PTPRD: variants seen among roughly 807,000 people sequenced by gnomAD.
The protein encoded by PTPRD is protein tyrosine phosphatase receptor type D.
A neutral mutation model predicts 214.5 loss-of-function variants in PTPRD; 34 were observed. That is an observed-to-expected ratio of 0.16 (90% CI 0.12 to 0.21). The LOEUF (loss-of-function observed/expected upper bound fraction) is 0.21. PTPRD is among the 10% of genes least tolerant of loss of function. PTPRD has a pLI of 1.00. For synonymous variants in PTPRD, 1,128 were observed against 845.7 expected (o/e 1.33, Z -5.79); for missense variants, 2,545 against 2,398.7 (o/e 1.06, Z -1.27).
chr9:8,898,807 A>G (rs941703520), intron 11 of PTPRD, among the ~76,000 whole-genome samples: 3 of 152,194 alleles, frequency 2.0e-5, no homozygotes, highest in Admixed American at 6.5e-5. Flanking sequence ...CAGAGAAGTC[A>G]TCTGTGAAAG....
At chr9:9,188,488 G>A (rs1208463472) in intron 9 of PTPRD, among the ~76,000 whole-genome samples, 1 of 152,056 alleles carries the variant, frequency 6.6e-6, no homozygotes, top group Non-Finnish European at 1.5e-5. Flanking sequence ...CAATATATGA[G>A]TGTTTCTGTT....
chr9:9,294,505 T>A (rs1952323907), intron 9 of PTPRD, among the ~76,000 whole-genome samples: 1 of 151,604 alleles, frequency 6.6e-6, no homozygotes, highest in East Asian at 2.0e-4. Flanking sequence ...GCTAAGAAAA[T>A]AAAGTAATTA....
chr9:9,203,717 T>C (rs1020761141), intron 9 of PTPRD, among the ~76,000 whole-genome samples: 1 of 152,196 alleles, frequency 6.6e-6, no homozygotes, highest in Non-Finnish European at 1.5e-5. Flanking sequence ...TTGATTTTCT[T>C]CTTTATGTGT....
Position 9,467,591 on chromosome 9 carries a change from A to AAAAAAAAAAAAAAAAC in PTPRD, c.-236-70110_-236-70109insGTTTTTTTTTTTTTTT. On this transcript the variant is annotated intron_variant, in intron 8 of 45. Transcript: ENST00000381196. ...GACAGAGCGGGACTCCATCTCCCAA[A>AAAAAAAAAAAAAAAAC]AAAAAAAAAAAAAAAAAAAGTTGAG... is the stretch of plus-strand genomic sequence containing the variant. Among the ~76,000 whole-genome samples the AAAAAAAAAAAAAAAAC allele has an allele frequency of 1.5e-5, 2 of 135,104 alleles. 1 individual carries two copies. Among genetic ancestry groups the AAAAAAAAAAAAAAAAC allele is most frequent in the Non-Finnish European group, 3.4e-5 (2 of 58,744 alleles). 88.6% of individuals were successfully genotyped at this position (135,104 alleles called of 152,430 possible).
At chr9:8,775,730 T>C (rs1294472033) in intron 11 of PTPRD, among the ~76,000 whole-genome samples, 1 of 152,008 alleles carries the variant, frequency 6.6e-6, no homozygotes, top group Non-Finnish European at 1.5e-5. Context: ...ACACCTGTAA[T>C]CCCAGCACTT....
intron 3 of PTPRD, among the ~76,000 whole-genome samples, chr9:10,086,629 G>T (rs2098342678): frequency 6.6e-6 from 1 of 151,782 alleles, no homozygotes; most frequent in South Asian, 2.1e-4. Context: ...TTAAGGTTAA[G>T]TTCAAGTGTG....
intron 3 of PTPRD, among the ~76,000 whole-genome samples, chr9:10,054,994 A>AAAGAAAG (rs1567356738): frequency 9.6e-5 from 14 of 145,944 alleles, no homozygotes; most frequent in South Asian, 4.3e-4. Flanking sequence ...AAGAAAGAAA[A>AAAGAAAG]AAAGAAAGAA....
chr9:8,764,722 G>C (rs183432257), intron 11 of PTPRD, among the ~76,000 whole-genome samples: 2 of 151,928 alleles, frequency 1.3e-5, no homozygotes, highest in African/African-American at 2.4e-5. Flanking sequence ...TTGAACCCGG[G>C]AGCTGGAGGT....
intron 3 of PTPRD, among the ~76,000 whole-genome samples, chr9:10,211,041 G>A: frequency 6.6e-6 from 1 of 151,454 alleles, no homozygotes; most frequent in Non-Finnish European, 1.5e-5. Flanking sequence ...CACAGTATAT[G>A]ATTTTTAAAT....
intron 9 of PTPRD, among the ~76,000 whole-genome samples, chr9:9,273,902 A>G (rs1943946167): frequency 6.6e-6 from 1 of 151,348 alleles, no homozygotes; most frequent in African/African-American, 2.4e-5. Flanking sequence ...AGGTTTGTCA[A>G]TATCTATAAA....
chr9:8,824,663 C>T (rs560638968), intron 11 of PTPRD, among the ~76,000 whole-genome samples: 3 of 152,218 alleles, frequency 2.0e-5, no homozygotes, highest in South Asian at 2.1e-4. Context: ...TGGAACTAAG[C>T]TGATACCGGG....
At chr9:9,259,908 G>A (rs2099979357) in intron 9 of PTPRD, among the ~76,000 whole-genome samples, 1 of 151,814 alleles carries the variant, frequency 6.6e-6, no homozygotes, top group South Asian at 2.1e-4. Flanking sequence ...ATGCGAGGAG[G>A]GTTTAAGGAA....
At chr9:10,158,812 C>A (rs2099109775) in intron 3 of PTPRD, among the ~76,000 whole-genome samples, 1 of 152,244 alleles carries the variant, frequency 6.6e-6, no homozygotes, top group African/African-American at 2.4e-5. Context: ...GGTCCACTGG[C>A]AGGATATTTG....
chr9:10,601,435 T>C (rs2077946283), intron 2 of PTPRD, among the ~76,000 whole-genome samples: 2 of 151,806 alleles, frequency 1.3e-5, no homozygotes. Flanking sequence ...TATACTGTCT[T>C]ACAGTTGCAA....
intron 11 of PTPRD, among the ~76,000 whole-genome samples, chr9:8,795,368 C>T (rs552109535): frequency 2.6e-5 from 4 of 152,142 alleles, no homozygotes; most frequent in East Asian, 1.9e-4. Context: ...CGTTTCACCA[C>T]GGTTGGCCAT....
chr9:9,217,063 T>G (rs938860388), intron 9 of PTPRD, among the ~76,000 whole-genome samples: 1 of 152,148 alleles, frequency 6.6e-6, no homozygotes, highest in Non-Finnish European at 1.5e-5. Flanking sequence ...TTTTAATCCT[T>G]AAGACTAGTC....
At chr9:10,126,873 A>C (rs546703454) in intron 3 of PTPRD, among the ~76,000 whole-genome samples, 2 of 151,222 alleles carry the variant, frequency 1.3e-5, no homozygotes, top group Non-Finnish European at 2.9e-5. Flanking sequence ...GCAGTCTAGA[A>C]TTTGGTAGTA....
At chr9:9,900,649 T>TTTTG (rs2076189661) in intron 5 of PTPRD, among the ~76,000 whole-genome samples, 1 of 149,566 alleles carries the variant, frequency 6.7e-6, no homozygotes, top group African/African-American at 2.5e-5. Flanking sequence ...AGGTTTTTTT[T>TTTTG]TTTTTTGAGA....
chr9:8,325,829 T>C (rs868818896), intron 44 of PTPRD, among the ~76,000 whole-genome samples: 1 of 152,178 alleles, frequency 6.6e-6, no homozygotes, highest in Non-Finnish European at 1.5e-5. Context: ...AGGTATTTTA[T>C]CTTTTTTGAA....
Sources: allele counts gnomAD v4.1 joint callset (sites outside exome capture counted in the v4.1 genomes callset), GRCh38; gene constraint gnomAD v4.1.1; transcripts MANE v1.5; gene names NCBI Gene and HGNC (gene_info 2026-07-23, HGNC 2026-07-21).